The following FSTL5 variants were observed in gnomAD, a reference collection of about 807,000 sequenced individuals.
FSTL5 encodes the protein follistatin like 5, also known as follistatin-related protein 5.
FSTL5 carries 62 observed loss-of-function variants against 89.1 expected under a neutral mutation model. That is an observed-to-expected ratio of 0.70 (90% CI 0.57 to 0.86). The LOEUF (loss-of-function observed/expected upper bound fraction) is 0.86. Among genes scored for constraint, FSTL5 ranks in the 40% least tolerant of loss-of-function variants. FSTL5 has a pLI of 0.00. For missense variants in FSTL5, 1,057 were observed against 1,001.6 expected (o/e 1.06, Z -0.75); for synonymous variants, 383 against 346.2 (o/e 1.11, Z -1.18).
intron 5 of FSTL5, among the ~76,000 whole-genome samples, chr4:161,766,506 G>A (rs999334202): frequency 2.0e-5 from 3 of 152,058 alleles, no homozygotes; most frequent in Non-Finnish European, 4.4e-5. Context: ...GAAATCGATG[G>A]TTCCCCATAT....
intron 3 of FSTL5, among the ~76,000 whole-genome samples, chr4:161,963,528 T>G (rs1269686325): frequency 1.3e-5 from 2 of 151,898 alleles, no homozygotes; most frequent in African/African-American, 4.8e-5. Context: ...CTCAAGACCG[T>G]GACCGAACAC....
chr4:161,905,208 T>C (rs571184275), intron 4 of FSTL5, among the ~76,000 whole-genome samples: 68 of 152,278 alleles, frequency 4.5e-4, no homozygotes, highest in African/African-American at 1.6e-3. Context: ...TTTCACATTA[T>C]AGCTTCTTTA....
At chr4:161,454,024 T>A (rs962230147) in intron 15 of FSTL5, among the ~76,000 whole-genome samples, 7 of 152,230 alleles carry the variant, frequency 4.6e-5, no homozygotes, top group Admixed American at 1.3e-4. Context: ...ATTTATTCTA[T>A]CTTTGACTAT....
intron 2 of FSTL5, among the ~76,000 whole-genome samples, chr4:162,084,809 A>T (rs916047736): frequency 9.9e-5 from 15 of 152,044 alleles, no homozygotes; most frequent in Non-Finnish European, 1.5e-5. Flanking sequence ...GCATTAGGAG[A>T]AATACCTAAT....
At chr4:162,014,142 C>T (rs947789628) in intron 3 of FSTL5, among the ~76,000 whole-genome samples, 1 of 152,150 alleles carries the variant, frequency 6.6e-6, no homozygotes, top group African/African-American at 2.4e-5. Context: ...GGAGATACCA[C>T]CAGTGAGCTG....
chr4:161,762,486 C>A (rs994423387), intron 5 of FSTL5, among the ~76,000 whole-genome samples: 2 of 152,088 alleles, frequency 1.3e-5, no homozygotes, highest in African/African-American at 4.8e-5. Flanking sequence ...TCTTAACTAG[C>A]AATTCATGAC....
intron 12 of FSTL5, 148 bp downstream of exon 12, chr4:161,499,868 A>G (rs1730235061): frequency 1.7e-6 from 1 of 594,088 alleles, no homozygotes; most frequent in South Asian, 2.0e-5. Flanking sequence ...TATAAAACCT[A>G]AAAAGAATAA....
intron 12 of FSTL5, among the ~76,000 whole-genome samples, chr4:161,490,128 T>A (rs995122967): frequency 6.6e-6 from 1 of 152,196 alleles, no homozygotes; most frequent in African/African-American, 2.4e-5. Context: ...TCTGATCCTC[T>A]GAATTTCTAA....
At chr4:162,133,958 A>G (rs1732419656) in intron 1 of FSTL5, among the ~76,000 whole-genome samples, 1 of 152,140 alleles carries the variant, frequency 6.6e-6, no homozygotes, top group African/African-American at 2.4e-5. Flanking sequence ...TGATGCTCCC[A>G]TTGGAAGGGC....
chr4:161,480,949 G>A, intron 13 of FSTL5, 71 bp downstream of exon 13: 1 of 1,054,100 alleles, frequency 9.5e-7, no homozygotes, highest in East Asian at 2.8e-5. Flanking sequence ...CAAGTTACCT[G>A]GTAAAGATTA....
At chr4:161,697,803 T>G (rs1039582919) in intron 6 of FSTL5, among the ~76,000 whole-genome samples, 1 of 152,260 alleles carries the variant, frequency 6.6e-6, no homozygotes, top group East Asian at 1.9e-4. Flanking sequence ...AAAAAGTTGA[T>G]CTCTTCTGAT....
intron 2 of FSTL5, among the ~76,000 whole-genome samples, chr4:162,090,045 A>G (rs1730482297): frequency 6.6e-6 from 1 of 152,144 alleles, no homozygotes; most frequent in Admixed American, 6.5e-5. Flanking sequence ...GCCACATGCA[A>G]ATTATTAAAT....
At chr4:161,988,075 AC>A (rs1736016479) in intron 3 of FSTL5, among the ~76,000 whole-genome samples, 1 of 151,754 alleles carries the variant, frequency 6.6e-6, no homozygotes, top group African/African-American at 2.4e-5. Flanking sequence ...TAAAAAAAAA[AC>A]AGAGAAAAGT....
chr4:161,486,614 T>C (rs556054783), intron 12 of FSTL5, among the ~76,000 whole-genome samples: 29 of 151,242 alleles, frequency 1.9e-4, no homozygotes, highest in Non-Finnish European at 3.8e-4. Flanking sequence ...TACCCACTTG[T>C]TGTAACTGAA....
At chr4:161,459,765 T>G (rs1355128994) in intron 13 of FSTL5, among the ~76,000 whole-genome samples, 2 of 152,032 alleles carry the variant, frequency 1.3e-5, no homozygotes, top group Non-Finnish European at 2.9e-5. Context: ...CAATTCTGAT[T>G]ACAAGATTTC....
At chr4:161,788,565 G>A (rs1050187914) in intron 4 of FSTL5, among the ~76,000 whole-genome samples, 2 of 152,092 alleles carry the variant, frequency 1.3e-5, no homozygotes, top group Non-Finnish European at 2.9e-5. Context: ...CAGGTGCGTT[G>A]AAGAATTATT....
At chr4:161,778,855 T>A (rs527590190) in intron 4 of FSTL5, among the ~76,000 whole-genome samples, 7 of 152,286 alleles carry the variant, frequency 4.6e-5, no homozygotes, top group Admixed American at 2.6e-4. Context: ...AGTGCACAGG[T>A]GTGCATCAGG....
intron 3 of FSTL5, among the ~76,000 whole-genome samples, chr4:162,005,289 A>G (rs72978688): frequency 0.013 from 2,020 of 152,248 alleles, 46 homozygotes; most frequent in African/African-American, 0.046. Context: ...TTCTCTGACT[A>G]GATTATGCCC....
intron 10 of FSTL5, among the ~76,000 whole-genome samples, chr4:161,522,992 A>C (rs1731090838): frequency 6.6e-6 from 1 of 152,120 alleles, no homozygotes; most frequent in African/African-American, 2.4e-5. Flanking sequence ...AAGGAATAAT[A>C]GCAATAATGA....
Sources: gnomAD v4.1 joint callset for allele counts (sites outside exome capture counted in the v4.1 genomes callset) on GRCh38, gnomAD v4.1.1 for gene constraint, MANE v1.5 for transcripts, NCBI Gene and HGNC (gene_info 2026-07-23, HGNC 2026-07-21) for gene names.